AK8: variants seen among roughly 807,000 people sequenced by gnomAD.
AK8 encodes adenylate kinase 8.
Under a neutral mutation model 54.6 loss-of-function variants are expected in AK8, and 44 were observed. The ratio of observed to expected loss-of-function variants is 0.81; its 90% CI spans 0.63 to 1.04. AK8 has a LOEUF of 1.04. Ranked by LOEUF, AK8 falls within the 50% of genes least tolerant of loss-of-function variation. AK8 has a pLI of 0.00. For synonymous variants in AK8, 239 were observed against 245.6 expected, an observed-to-expected ratio of 0.97 and a Z score of 0.25; for missense variants, 555 against 613.6, an observed-to-expected ratio of 0.90 and a Z score of 1.01.
At chr9:132,873,332 T>C (rs1413799930) in intron 2 of AK8, among the ~76,000 whole-genome samples, 1 of 152,046 alleles carries the variant, frequency 6.6e-6, no homozygotes, top group African/African-American at 2.4e-5. Context: ...ACCAAACACA[T>C]CCATTTCACA....
intron 11 of AK8, among the ~76,000 whole-genome samples, chr9:132,738,436 A>G (rs949575404): frequency 6.6e-6 from 1 of 152,148 alleles, no homozygotes; most frequent in Non-Finnish European, 1.5e-5. Flanking sequence ...TAATTTAAAA[A>G]AGTTTTAAAA....
intron 5 of AK8, among the ~76,000 whole-genome samples, chr9:132,832,063 GAAAAAAAAAAAAAAAA>G (rs11284701): frequency 2.4e-4 from 3 of 12,412 alleles, no homozygotes; most frequent in Non-Finnish European, 4.3e-4. Context: ...CCTTGTCTCT[GAAAAAAAAAAAAAAAA>G]AAAAAAAAAA....
Position 132,725,637 on chromosome 9 carries a change from G to T in AK8, c.*51C>A. On this transcript the variant is annotated 3_prime_UTR_variant, in exon 13 of 13. Coordinates refer to ENST00000298545, the MANE Select transcript of AK8 (RefSeq NM_152572.3). ...AGCTGTGCCGAGGCTGGGGGGCTGG[G>T]GGCAGGGGATTAACTCTTTCCCTGG... The T allele has an allele frequency of 6.7e-7, 1 of 1,483,528 alleles. No homozygotes were observed. Among genetic ancestry groups the T allele is most frequent in the Non-Finnish European group, 9.2e-7 (1 of 1,087,024 alleles). The allele number at this position is 1,483,528 out of a possible 1,614,324, so 91.9% of individuals were successfully genotyped here.
At chr9:132,823,066 A>T in intron 9 of AK8, 139 bp downstream of exon 9, 1 of 1,238,204 alleles carries the variant, frequency 8.1e-7, no homozygotes, top group Non-Finnish European at 1.1e-6. Context: ...AAAATGGTTA[A>T]GAACAAAGAG....
In AK8 at chr9:132,826,392, T is replaced by C. The variant is rs746130542; in HGVS notation, c.757+462A>G. ...CAACGCAGTGCCAGGCGCGGGGCCA[T>C]GTATCTCCATCCTAAATGAAGCATA... On this transcript the variant is annotated intron_variant, in intron 8 of 12. Transcript: ENST00000298545. This position sits in a 1 kb window ranked among gnomAD's most constrained non-coding sequence, Gnocchi z 4.5. 5.9e-5 allele frequency among the ~76,000 whole-genome samples: 9 copies of C among 152,250 alleles called. No individual in the cohort carries two copies. The highest frequency in any genetic ancestry group is 1.0e-4 in the Non-Finnish European group (7 of 68,046).
chr9:132,824,733 T>C (rs1231234785), intron 8 of AK8, among the ~76,000 whole-genome samples: 1 of 152,182 alleles, frequency 6.6e-6, no homozygotes, highest in Non-Finnish European at 1.5e-5. Context: ...CTCTCAAATC[T>C]TTGCTGGACT....
chr9:132,852,764 G>A (rs1240284651), intron 5 of AK8, among the ~76,000 whole-genome samples: 1 of 103,894 alleles, frequency 9.6e-6, no homozygotes, highest in East Asian at 2.8e-4. Context: ...AGTGAGATTA[G>A]GTCTCAAAAA....
At chr9:132,808,309 A>G (rs547434871) in intron 10 of AK8, among the ~76,000 whole-genome samples, 128 of 152,294 alleles carry the variant, frequency 8.4e-4, no homozygotes, top group Middle Eastern at 3.4e-3. Context: ...TGTTCACTGC[A>G]GCTCAAGTCA....
At chr9:132,808,823 G>A (rs747075858) in intron 10 of AK8, among the ~76,000 whole-genome samples, 9 of 152,224 alleles carry the variant, frequency 5.9e-5, no homozygotes, top group African/African-American at 1.9e-4. Context: ...AAGACCAGCA[G>A]AAGGCCAGCA....
intron 11 of AK8, among the ~76,000 whole-genome samples, chr9:132,756,575 G>A (rs572503328): frequency 1.2e-4 from 18 of 152,280 alleles, no homozygotes; most frequent in East Asian, 3.9e-4. Context: ...ATCAGCTGCC[G>A]GGGGCCACAC....
intron 4 of AK8, among the ~76,000 whole-genome samples, chr9:132,857,943 T>A (rs1040053373): frequency 1.3e-5 from 2 of 152,206 alleles, no homozygotes; most frequent in Admixed American, 6.5e-5. Flanking sequence ...CCAAACTGTC[T>A]TAGCAGGAAT....
At chr9:132,874,732 A>G (rs1369239905) in intron 2 of AK8, among the ~76,000 whole-genome samples, 1 of 152,228 alleles carries the variant, frequency 6.6e-6, no homozygotes, top group East Asian at 1.9e-4. Flanking sequence ...CCAGAAACCA[A>G]ACTTACACCT....
intron 5 of AK8, among the ~76,000 whole-genome samples, chr9:132,841,699 G>T (rs1842553910): frequency 6.6e-6 from 1 of 152,166 alleles, no homozygotes; most frequent in African/African-American, 2.4e-5. Flanking sequence ...TTTCATAAGA[G>T]GTTTTTGTGG....
rs930728372 is a variant in AK8 at position 132,867,009 on chromosome 9, A to G, written c.170-56T>C. On this transcript the variant is annotated intron_variant, in intron 2 of 12. Coordinates refer to ENST00000298545, the MANE Select transcript of AK8 (RefSeq NM_152572.3). ...CTCAACATGACAAGCAGCCTCCCAC[A>G]CCTGCGGTACTCGGGGTGTACTTAT... 15 of 1,523,160 alleles carry G rather than the reference A, an allele frequency of 9.8e-6. 1 individual carries two copies. The Admixed American group carries it at 2.5e-4, about 25-fold the overall frequency. 94.4% of individuals were successfully genotyped at this position (1,523,160 alleles called of 1,614,324 possible).
At chr9:132,816,395 T>C (rs1003231073) in intron 9 of AK8, among the ~76,000 whole-genome samples, 6 of 151,480 alleles carry the variant, frequency 4.0e-5, no homozygotes, top group African/African-American at 1.5e-4. Context: ...AAAAAAAAGC[T>C]GCTGAGAACT....
chr9:132,755,370 G>A lies in AK8; in HGVS notation c.1122-27836C>T, dbSNP rs566461823. ...AGTGCTGCCAGCCGAGCACCCGAGC[G>A]CCTCGACCCGTCCCACCTGATTGCA... On this transcript the variant is annotated intron_variant, in intron 11 of 12. Coordinates refer to ENST00000298545, the MANE Select transcript of AK8 (RefSeq NM_152572.3). 5.3e-5 allele frequency among the ~76,000 whole-genome samples: 8 copies of A among 152,248 alleles called. No homozygotes were observed. The East Asian group carries it at 7.7e-4, about 15-fold the overall frequency.
rs1840553275 is a variant in AK8 at position 132,803,285 on chromosome 9, G to A, written c.980-10510C>T. 6.6e-6 allele frequency among the ~76,000 whole-genome samples: 1 copy of A among 152,124 alleles called. No homozygotes were observed. ...GGACACAGCCAAACCATATCACGGA[G>A]CATCAGAGTAATGCAAACTGGAGCT... On this transcript the variant is annotated intron_variant, in intron 10 of 12. Coordinates refer to ENST00000298545, the MANE Select transcript of AK8 (RefSeq NM_152572.3). This position sits in a 1 kb window ranked among gnomAD's most constrained non-coding sequence, Gnocchi z 4.4.
chr9:132,822,663 G>A (rs115679060), intron 9 of AK8, among the ~76,000 whole-genome samples: 53 of 152,126 alleles, frequency 3.5e-4, no homozygotes, highest in African/African-American at 1.2e-3. Flanking sequence ...GGACCACCCC[G>A]GGAAAGACCT....
intron 11 of AK8, among the ~76,000 whole-genome samples, chr9:132,754,876 T>G (rs1838114047): frequency 6.6e-6 from 1 of 152,004 alleles, no homozygotes; most frequent in African/African-American, 2.4e-5. Context: ...CTTGGCTCAT[T>G]GCAACCTCCA....
Sources: gnomAD v4.1 joint callset for allele counts (sites outside exome capture counted in the v4.1 genomes callset) on GRCh38, gnomAD v4.1.1 for gene constraint, Gnocchi (gnomAD v3.1) non-coding constraint, MANE v1.5 for transcripts, NCBI Gene and HGNC (gene_info 2026-07-23, HGNC 2026-07-21) for gene names.